Variants in IQSEC1 observed in about 807,000 individuals in gnomAD.
The protein encoded by IQSEC1 is IQ motif and Sec7 domain ArfGEF 1.
IQSEC1 carries 31 observed loss-of-function variants against 91.0 expected under a neutral mutation model. The observed-to-expected ratio is 0.34, with a 90% CI of 0.26 to 0.46. IQSEC1 has a LOEUF of 0.46. Among genes scored for constraint, IQSEC1 ranks in the 20% least tolerant of loss-of-function variants. The probability of loss-of-function intolerance (pLI) is 1.00; values close to 1 mark genes in which losing one functional copy is unlikely to be tolerated. For missense variants in IQSEC1, 1,388 were observed against 1,575.6 expected (o/e 0.88, Z 2.02); for synonymous variants, 699 against 662.6 (o/e 1.05, Z -0.84).
chr3:13,142,184 A>T (rs1400261945), intron 2 of IQSEC1, among the ~76,000 whole-genome samples: 1 of 152,230 alleles, frequency 6.6e-6, no homozygotes, highest in East Asian at 1.9e-4. Context: ...AACGCATTCT[A>T]AGACCATGCT....
chr3:12,910,049 TATGTGTGCAC>T lies in IQSEC1; in HGVS notation c.2417-625_2417-616del, dbSNP rs754203445. On this transcript the variant is annotated intron_variant, in intron 10 of 13. Transcript: ENST00000613206. ...CAGCTGCAGAGTGCTCCTGTGTGCA[TATGTGTGCAC>T]ATGTATGTATATGCAGCCCATTACT... is the stretch of plus-strand genomic sequence containing the variant. 1.0e-3 allele frequency among the ~76,000 whole-genome samples: 155 copies of T among 152,294 alleles called. 1 individual carries two copies. Among genetic ancestry groups the T allele is most frequent in the Admixed American group, 2.2e-3 (34 of 15,300 alleles).
At chr3:13,004,687 C>T (rs1341095908) in intron 1 of IQSEC1, among the ~76,000 whole-genome samples, 2 of 152,140 alleles carry the variant, frequency 1.3e-5, no homozygotes, top group Non-Finnish European at 2.9e-5. Flanking sequence ...AGAACGGAAT[C>T]AGCAAGAGTA....
At chr3:12,958,291 A>T (rs777004758) in intron 1 of IQSEC1, among the ~76,000 whole-genome samples, 1 of 152,148 alleles carries the variant, frequency 6.6e-6, no homozygotes, top group East Asian at 1.9e-4. Context: ...GGTAGGAAAC[A>T]CTATCCCCCT....
In IQSEC1 at chr3:13,259,438, A is replaced by G. The variant is rs79332685; in HGVS notation, c.272+23273T>C. Among the ~76,000 whole-genome samples the G allele has an allele frequency of 0.012, 1,860 of 152,294 alleles. 41 individuals are homozygous for G. Among genetic ancestry groups the G allele is most frequent in the African/African-American group, 0.042 (1,727 of 41,558 alleles). ...AGTGCCATATTCTCCCCTGCACCCC[A>G]TCAAAACAGTGGCGGGTGAGATAGC... On this transcript the variant is annotated intron_variant, in intron 1 of 15. Transcript: ENST00000648114. The surrounding 1 kb of genome is among the most constrained non-coding windows in gnomAD (Gnocchi z 4.6).
rs1372937662 is a variant in IQSEC1 at position 12,900,247 on chromosome 3, G to A, written c.*736C>T. The A allele has an allele frequency of 2.0e-6, 2 of 984,710 alleles. No individual in the cohort carries two copies. The highest frequency in any genetic ancestry group is 3.5e-5 in the African/African-American group (2 of 57,184). 61.0% of individuals were successfully genotyped at this position (984,710 alleles called of 1,614,324 possible). A position where few individuals can be genotyped will look rare whatever the true frequency, so the allele number is the denominator to read the frequency against. ...GCACAGTTAGTAATGATTGTGTAAA[G>A]ATTTTAGCCAGTCCTAGAGGGACTT... On this transcript the variant is annotated 3_prime_UTR_variant, in exon 14 of 14. Coordinates refer to ENST00000613206, the MANE Select transcript of IQSEC1 (RefSeq NM_001134382.3).
intron 13 of IQSEC1, among the ~76,000 whole-genome samples, chr3:12,901,779 C>T (rs777543767): frequency 7.2e-5 from 11 of 152,206 alleles, no homozygotes; most frequent in South Asian, 4.2e-4. Context: ...CTGACCACCA[C>T]GGCAGAAGTA....
At chr3:12,952,415 C>T (rs535643978) in intron 1 of IQSEC1, among the ~76,000 whole-genome samples, 4 of 152,188 alleles carry the variant, frequency 2.6e-5, no homozygotes, top group Non-Finnish European at 5.9e-5. Context: ...CGGGCTGCTC[C>T]GCCTTCAACA....
intron 1 of IQSEC1, chr3:13,053,091 C>T (rs1334569041): frequency 3.1e-6 from 3 of 976,904 alleles, no homozygotes; most frequent in African/African-American, 3.2e-5. Context: ...GGCCAGGAAT[C>T]GCTTACTCCT....
At chr3:13,250,304 G>A (rs561655733) in intron 1 of IQSEC1, among the ~76,000 whole-genome samples, 1 of 152,288 alleles carries the variant, frequency 6.6e-6, no homozygotes, top group Admixed American at 6.5e-5. Flanking sequence ...TCGACCCTGT[G>A]TGGGATGACA....
chr3:12,905,423 T>G (rs1194805779), intron 12 of IQSEC1, among the ~76,000 whole-genome samples: 1 of 152,236 alleles, frequency 6.6e-6, no homozygotes, highest in African/African-American at 2.4e-5. Flanking sequence ...ACAGAAATGA[T>G]AGCTATGCAC....
At chr3:13,112,070 T>A (rs1400930093) in intron 2 of IQSEC1, among the ~76,000 whole-genome samples, 1 of 152,180 alleles carries the variant, frequency 6.6e-6, no homozygotes, top group Non-Finnish European at 1.5e-5. Context: ...GTTCCCCTGG[T>A]GGGCTGCCCT....
intron 1 of IQSEC1, among the ~76,000 whole-genome samples, chr3:12,960,940 A>G (rs1438328727): frequency 2.0e-5 from 3 of 152,236 alleles, no homozygotes; most frequent in Non-Finnish European, 4.4e-5. Flanking sequence ...AGCAGCTTGC[A>G]GTGGGGACCA....
chr3:13,121,091 C>T lies in IQSEC1; in HGVS notation c.302+43013G>A, dbSNP rs904011467. On this transcript the variant is annotated intron_variant, in intron 2 of 15. Transcript: ENST00000648114. ...AGGCCAGCATGGTCGGCATCGTCCTCGGCCCTGACTATCACAGTCGCTGCC... is the reference window on the plus strand; with the variant it reads ...AGGCCAGCATGGTCGGCATCGTCCTTGGCCCTGACTATCACAGTCGCTGCC... Among the ~76,000 whole-genome samples the T allele has an allele frequency of 2.6e-5, 4 of 152,208 alleles. No homozygotes were observed. The East Asian group carries it at 5.8e-4, about 22-fold the overall frequency.
chr3:13,243,786 T>C (rs1000799012), intron 1 of IQSEC1, among the ~76,000 whole-genome samples: 1 of 151,430 alleles, frequency 6.6e-6, no homozygotes, highest in African/African-American at 2.4e-5. Context: ...GGGGGCTGCC[T>C]GTATTTCTAG....
chr3:13,119,024 G>A (rs1398265084), intron 2 of IQSEC1, among the ~76,000 whole-genome samples: 4 of 151,816 alleles, frequency 2.6e-5, no homozygotes, highest in Admixed American at 6.6e-5. Context: ...GCAGTGAGTC[G>A]AGATCGTGCC....
At position 13,103,028 on chromosome 3, in the gene IQSEC1, A is replaced by G; in HGVS notation, c.303-55506T>C. 6.6e-6 allele frequency among the ~76,000 whole-genome samples: 1 copy of G among 151,984 alleles called. No homozygotes were observed. Among genetic ancestry groups the G allele is most frequent in the East Asian group, 1.9e-4 (1 of 5,154 alleles). On this transcript the variant is annotated intron_variant, in intron 2 of 15. Transcript: ENST00000648114. The surrounding 1 kb of genome is among the most constrained non-coding windows in gnomAD (Gnocchi z 4.1). ...CAGGTGCTTGGTGCCCCCCTACCTCAACCTGTGGGCTGGATGTCGGAAGGG... is the reference window on the plus strand; with the variant it reads ...CAGGTGCTTGGTGCCCCCCTACCTCGACCTGTGGGCTGGATGTCGGAAGGG...
At chr3:13,198,464 C>T (rs1694176056) in intron 1 of IQSEC1, among the ~76,000 whole-genome samples, 1 of 152,062 alleles carries the variant, frequency 6.6e-6, no homozygotes, top group Non-Finnish European at 1.5e-5. Context: ...GAAGGGGCTC[C>T]ACCCAGAGTG....
intron 1 of IQSEC1, among the ~76,000 whole-genome samples, chr3:13,223,320 C>T (rs911698050): frequency 1.3e-5 from 2 of 151,762 alleles, no homozygotes; most frequent in South Asian, 2.1e-4. Context: ...CAAACCCTCC[C>T]ACAAGGATGG....
chr3:13,060,961 G>GCTCCGAGCCCTGCACTGC (rs1308453851), intron 1 of IQSEC1, among the ~76,000 whole-genome samples: 2 of 152,194 alleles, frequency 1.3e-5, no homozygotes, highest in Non-Finnish European at 2.9e-5. Flanking sequence ...CTGCATACGG[G>GCTCCGAGCCCTGCACTGC]CTCCGAGCCC....
Sources: allele counts gnomAD v4.1 joint callset (sites outside exome capture counted in the v4.1 genomes callset), GRCh38; gene constraint gnomAD v4.1.1; non-coding constraint Gnocchi (gnomAD v3.1); transcripts MANE v1.5; gene names NCBI Gene and HGNC (gene_info 2026-07-23, HGNC 2026-07-21).